PKIB: variants seen among roughly 807,000 people sequenced by gnomAD.
PKIB encodes the protein PKI-beta.
In PKIB, 2 loss-of-function variants were observed where a neutral mutation model predicts 4.5. That is an observed-to-expected ratio of 0.44 (90% CI 0.18 to 1.39). The LOEUF is 1.39. PKIB is among the 40% of genes most tolerant of loss of function. The pLI is 0.27. For synonymous variants in PKIB, 38 were observed against 36.0 expected, an observed-to-expected ratio of 1.06 and a Z score of -0.20; for missense variants, 94 against 92.6, an observed-to-expected ratio of 1.02 and a Z score of -0.06.
At chr6:122,616,603 A>G (rs537782848) in intron 1 of PKIB, among the ~76,000 whole-genome samples, 4 of 152,244 alleles carry the variant, frequency 2.6e-5, no homozygotes, top group African/African-American at 9.6e-5. Flanking sequence ...CAATTTATGG[A>G]GCTGCTTTCC....
intron 2 of PKIB, among the ~76,000 whole-genome samples, chr6:122,491,782 G>A (rs1045120805): frequency 6.6e-6 from 1 of 152,132 alleles, no homozygotes; most frequent in Non-Finnish European, 1.5e-5. Flanking sequence ...AAAATATCAA[G>A]AATCACTGCA....
At chr6:122,590,665 A>C (rs1211859885) in intron 3 of PKIB, among the ~76,000 whole-genome samples, 2 of 152,202 alleles carry the variant, frequency 1.3e-5, no homozygotes, top group Non-Finnish European at 2.9e-5. Flanking sequence ...TAGACACCAA[A>C]GATATGAGAA....
chr6:122,474,304 G>A (rs1423449194), intron 1 of PKIB, among the ~76,000 whole-genome samples: 1 of 152,182 alleles, frequency 6.6e-6, no homozygotes, highest in Non-Finnish European at 1.5e-5. Context: ...GGTACTGCCT[G>A]TTACATTCTT....
intron 3 of PKIB, among the ~76,000 whole-genome samples, chr6:122,704,202 A>G (rs1778959849): frequency 6.6e-6 from 1 of 152,078 alleles, no homozygotes; most frequent in African/African-American, 2.4e-5. Flanking sequence ...TTTTTATTCC[A>G]TTCAGGACTT....
chr6:122,571,586 G>A (rs1773369315), intron 2 of PKIB, among the ~76,000 whole-genome samples: 1 of 152,188 alleles, frequency 6.6e-6, no homozygotes, highest in African/African-American at 2.4e-5. Flanking sequence ...AGGGATTGGG[G>A]TCCTATCTTT....
At chr6:122,614,995 C>A (rs1360518335) in intron 1 of PKIB, among the ~76,000 whole-genome samples, 1 of 152,080 alleles carries the variant, frequency 6.6e-6, no homozygotes, top group African/African-American at 2.4e-5. Flanking sequence ...GCCTTGAAAT[C>A]TAATGAAAAG....
chr6:122,609,564 G>A (rs1240173461), upstream of PKIB, among the ~76,000 whole-genome samples: 1 of 152,222 alleles, frequency 6.6e-6, no homozygotes, highest in Non-Finnish European at 1.5e-5. Context: ...TCAGAGCATA[G>A]TATGAATGAG....
chr6:122,545,895 A>T (rs538602874), intron 2 of PKIB, among the ~76,000 whole-genome samples: 13 of 151,572 alleles, frequency 8.6e-5, no homozygotes, highest in African/African-American at 2.9e-4. Flanking sequence ...TATGGCTGGT[A>T]TTTAGGACAG....
At chr6:122,563,264 T>C (rs1773085034) in intron 2 of PKIB, among the ~76,000 whole-genome samples, 1 of 152,176 alleles carries the variant, frequency 6.6e-6, no homozygotes, top group African/African-American at 2.4e-5. Context: ...TAAGTCTACC[T>C]GGCTCTGGGC....
intron 2 of PKIB, chr6:122,643,425 G>A (rs915726302): frequency 2.6e-5 from 4 of 152,132 alleles, no homozygotes; most frequent in African/African-American, 9.7e-5. Flanking sequence ...TATCACCAAT[G>A]TCACTAAAAT....
intron 2 of PKIB, among the ~76,000 whole-genome samples, chr6:122,660,798 GCAA>G (rs1269854911): frequency 6.6e-6 from 1 of 152,102 alleles, no homozygotes; most frequent in African/African-American, 2.4e-5. Flanking sequence ...TAACATACTT[GCAA>G]CAGGATTGTA....
At chr6:122,700,319 T>A (rs9398692) in intron 3 of PKIB, among the ~76,000 whole-genome samples, 142,537 of 144,110 alleles carry the variant, frequency 0.99, 70,512 homozygotes, top group Middle Eastern at 1. Context: ...GGTGGTGGTG[T>A]GGGATCCTCT....
At chr6:122,557,019 GC>G (rs779672304) in intron 2 of PKIB, among the ~76,000 whole-genome samples, 1 of 152,178 alleles carries the variant, frequency 6.6e-6, no homozygotes, top group Non-Finnish European at 1.5e-5. Flanking sequence ...TCTGAGACCA[GC>G]CTGGCCAACA....
intron 2 of PKIB, among the ~76,000 whole-genome samples, chr6:122,581,511 T>G (rs1386085808): frequency 6.6e-6 from 1 of 152,096 alleles, no homozygotes; most frequent in East Asian, 1.9e-4. Flanking sequence ...AGATTTGGAA[T>G]GAAAAATAGC....
intron 2 of PKIB, among the ~76,000 whole-genome samples, chr6:122,534,776 C>T (rs1048520814): frequency 1.2e-4 from 18 of 152,178 alleles, no homozygotes; most frequent in East Asian, 5.8e-4. Context: ...AGACAGGGAC[C>T]GCTGTGCCAG....
chr6:122,667,465 A>G (rs1777273654), intron 2 of PKIB, among the ~76,000 whole-genome samples: 1 of 152,108 alleles, frequency 6.6e-6, no homozygotes, highest in South Asian at 2.1e-4. Context: ...TGAACCCGGG[A>G]GGCGGAGCTT....
intron 4 of PKIB, among the ~76,000 whole-genome samples, chr6:122,724,531 A>G (rs1382296789): frequency 6.6e-6 from 1 of 152,214 alleles, no homozygotes; most frequent in African/African-American, 2.4e-5. Flanking sequence ...TTACATAGCC[A>G]GTGCTCACAA....
At chr6:122,703,941 T>TATATAGAG (rs1314978431) in intron 3 of PKIB, among the ~76,000 whole-genome samples, 15 of 90,772 alleles carry the variant, frequency 1.7e-4, no homozygotes, top group African/African-American at 5.0e-4. Flanking sequence ...TATATATATA[T>TATATAGAG]AGAGAGAGAG....
intron 2 of PKIB, among the ~76,000 whole-genome samples, chr6:122,524,327 CTCCTCCTTCTTCTTCT>C (rs1362807962): frequency 6.8e-6 from 1 of 146,042 alleles, no homozygotes; most frequent in Non-Finnish European, 1.5e-5. Context: ...CCTCTTCCTC[CTCCTCCTTCTTCTTCT>C]TCCTCCTCCT....
Sources: gnomAD v4.1 joint callset for allele counts (sites outside exome capture counted in the v4.1 genomes callset) on GRCh38, gnomAD v4.1.1 for gene constraint, MANE v1.5 for transcripts, NCBI Gene and HGNC (gene_info 2026-07-23, HGNC 2026-07-21) for gene names.